TAFA5: variants seen among roughly 807,000 people sequenced by gnomAD.
TAFA5 encodes the protein chemokine-like protein TAFA-5.
In TAFA5, 6 loss-of-function variants were observed where a neutral mutation model predicts 15.3. The observed-to-expected ratio is 0.39, with a 90% CI of 0.21 to 0.77. TAFA5 has a LOEUF of 0.77. Ranked by LOEUF, TAFA5 falls within the 30% of genes least tolerant of loss-of-function variation. TAFA5 has a pLI of 0.41. For missense variants in TAFA5, 161 were observed against 193.1 expected, an observed-to-expected ratio of 0.83 and a Z score of 0.98; for synonymous variants, 103 against 80.7, an observed-to-expected ratio of 1.28 and a Z score of -1.48.
chr22:48,681,508 A>C (rs1202837313), intron 2 of TAFA5, among the ~76,000 whole-genome samples: 6 of 139,768 alleles, frequency 4.3e-5, no homozygotes, highest in Non-Finnish European at 7.9e-5. Context: ...AAAAAAAATT[A>C]GGCGTGGGGG....
At chr22:48,717,409 T>C (rs776095586) in intron 3 of TAFA5, among the ~76,000 whole-genome samples, 3 of 151,974 alleles carry the variant, frequency 2.0e-5, no homozygotes, top group Non-Finnish European at 2.9e-5. Flanking sequence ...CTTCGGAAGA[T>C]GAGGGGAAGG....
At chr22:48,561,355 A>G (rs1923223723) in intron 1 of TAFA5, among the ~76,000 whole-genome samples, 1 of 152,124 alleles carries the variant, frequency 6.6e-6, no homozygotes, top group African/African-American at 2.4e-5. Context: ...AGGTTTGTGA[A>G]TTCCTCAGAC....
chr22:48,512,131 G>A (rs1341479784), intron 1 of TAFA5, among the ~76,000 whole-genome samples: 2 of 152,178 alleles, frequency 1.3e-5, no homozygotes, highest in Non-Finnish European at 2.9e-5. Flanking sequence ...CAAGGTGACT[G>A]AGCCCCTGTG....
intron 1 of TAFA5, among the ~76,000 whole-genome samples, chr22:48,580,687 C>T (rs1029485230): frequency 6.6e-6 from 1 of 152,178 alleles, no homozygotes; most frequent in African/African-American, 2.4e-5. Flanking sequence ...GGGAGTTCGG[C>T]AGCTCTGTGT....
chr22:48,584,780 A>G (rs1414751175), intron 1 of TAFA5, among the ~76,000 whole-genome samples: 2 of 150,958 alleles, frequency 1.3e-5, no homozygotes, highest in East Asian at 3.9e-4. Flanking sequence ...CACATCACAC[A>G]CGCTACATGC....
intron 1 of TAFA5, among the ~76,000 whole-genome samples, chr22:48,549,621 A>G (rs769725939): frequency 6.6e-6 from 1 of 152,142 alleles, no homozygotes; most frequent in African/African-American, 2.4e-5. Context: ...CTCCTGTAAA[A>G]CTGCAGTGGT....
chr22:48,627,974 C>T (rs1296471865), intron 1 of TAFA5, among the ~76,000 whole-genome samples: 1 of 152,126 alleles, frequency 6.6e-6, no homozygotes, highest in Non-Finnish European at 1.5e-5. Flanking sequence ...ACCATCCAGG[C>T]GGGGAAATGG....
At chr22:48,581,986 A>C (rs1924063595) in intron 1 of TAFA5, among the ~76,000 whole-genome samples, 1 of 152,130 alleles carries the variant, frequency 6.6e-6, no homozygotes, top group South Asian at 2.1e-4. Context: ...TGCGTGGAAC[A>C]TGGGACTGTT....
intron 1 of TAFA5, among the ~76,000 whole-genome samples, chr22:48,582,519 T>C (rs1398795605): frequency 3.7e-3 from 188 of 50,286 alleles, no homozygotes; most frequent in Non-Finnish European, 4.6e-3. Flanking sequence ...ACACACAAAA[T>C]ACACCACACA....
chr22:48,729,943 C>T (rs913112217), intron 3 of TAFA5, among the ~76,000 whole-genome samples: 2 of 152,096 alleles, frequency 1.3e-5, no homozygotes, highest in Non-Finnish European at 2.9e-5. Context: ...CAGCTGCATA[C>T]ACCCACCCAG....
chr22:48,562,511 C>T (rs1923270949), intron 1 of TAFA5, among the ~76,000 whole-genome samples: 1 of 151,924 alleles, frequency 6.6e-6, no homozygotes, highest in Non-Finnish European at 1.5e-5. Context: ...CTTACAAGGC[C>T]TGTGACTCAG....
chr22:48,750,556 C>CGGGA lies in TAFA5; in HGVS notation c.*709_*710insGGGA, dbSNP rs1930459112. 4 of 152,526 alleles carry CGGGA rather than the reference C, an allele frequency of 2.6e-5. No individual in the cohort carries two copies. Among genetic ancestry groups the CGGGA allele is most frequent in the African/African-American group, 7.2e-5 (3 of 41,458 alleles). The allele number at this position is 152,526 out of a possible 1,614,324, so 9.4% of individuals were successfully genotyped here. On this transcript the variant is annotated 3_prime_UTR_variant, in exon 4 of 4. Transcript: ENST00000402357. ...ACCTGCGGGAGGCAGCGACGGCCCC[C>CGGGA]ACGCAGACGCCGGGAACGCAGGCCG...
In TAFA5 at chr22:48,749,706, G is replaced by A; in HGVS notation, c.391-133G>A. On this transcript the variant is annotated intron_variant, in intron 3 of 3. Transcript: ENST00000402357. The stretch of plus-strand genomic sequence containing the variant: ...GCCTGGATGTCCCTCACAGCACTGA[G>A]GATGAGCTCTTCGTTTCAGGCCCTC... The A allele has an allele frequency of 4.3e-6, 4 of 937,704 alleles. No individual in the cohort carries two copies. The Admixed American group carries it at 8.3e-5, about 19-fold the overall frequency. The allele number at this position is 937,704 out of a possible 1,614,324, so 58.1% of individuals were successfully genotyped here.
chr22:48,699,240 C>A (rs1928826304), intron 2 of TAFA5, among the ~76,000 whole-genome samples: 1 of 152,074 alleles, frequency 6.6e-6, no homozygotes. Flanking sequence ...GCTGACAACG[C>A]CTTTTAAGGG....
intron 1 of TAFA5, among the ~76,000 whole-genome samples, chr22:48,608,804 C>T (rs1049360986): frequency 6.6e-6 from 1 of 152,218 alleles, no homozygotes; most frequent in African/African-American, 2.4e-5. Context: ...TCCAGGCCTT[C>T]GTTCCAACAG....
intron 1 of TAFA5, among the ~76,000 whole-genome samples, chr22:48,518,201 G>A (rs1294614980): frequency 3.9e-5 from 6 of 152,230 alleles, no homozygotes; most frequent in African/African-American, 1.2e-4. Flanking sequence ...GGTACCCGCA[G>A]GAGCCCACGT....
At chr22:48,671,501 G>T (rs565713553) in intron 2 of TAFA5, among the ~76,000 whole-genome samples, 2 of 152,310 alleles carry the variant, frequency 1.3e-5, no homozygotes, top group East Asian at 1.9e-4. Flanking sequence ...CTTCATCGGT[G>T]CTCATCCCAA....
At chr22:48,610,594 G>T (rs1221906770) in intron 1 of TAFA5, among the ~76,000 whole-genome samples, 1 of 150,654 alleles carries the variant, frequency 6.6e-6, no homozygotes, top group Non-Finnish European at 1.5e-5. Flanking sequence ...CCCCAGCATG[G>T]AGGAGCAGAG....
intron 3 of TAFA5, among the ~76,000 whole-genome samples, chr22:48,737,489 G>A (rs894957437): frequency 1.3e-5 from 2 of 152,192 alleles, no homozygotes; most frequent in African/African-American, 2.4e-5. Context: ...TGCAGTCGCC[G>A]AGATGCTGTG....
Sources: allele counts gnomAD v4.1 joint callset (sites outside exome capture counted in the v4.1 genomes callset), GRCh38; gene constraint gnomAD v4.1.1; transcripts MANE v1.5; gene names NCBI Gene and HGNC (gene_info 2026-07-23, HGNC 2026-07-21).